The following EMC3 variants were observed in gnomAD, a reference collection of about 807,000 sequenced individuals.
EMC3 encodes ER membrane protein complex subunit 3.
A neutral mutation model predicts 36.6 loss-of-function variants in EMC3; 13 were observed. The observed-to-expected ratio is 0.35, with a 90% confidence interval of 0.23 to 0.56. EMC3 has a LOEUF of 0.56. Ranked by LOEUF, EMC3 falls within the 20% of genes least tolerant of loss-of-function variation. The probability of loss-of-function intolerance (pLI) is 0.84; values close to 1 mark genes in which losing one functional copy is unlikely to be tolerated. For synonymous variants in EMC3, 120 were observed against 111.9 expected (o/e 1.07, Z -0.46); for missense variants, 220 against 324.5 (o/e 0.68, Z 2.47).
intron 1 of EMC3, chr3:10,007,680 C>T (rs2086280019): frequency 2.3e-6 from 3 of 1,324,416 alleles, no homozygotes; most frequent in South Asian, 2.4e-5. Context: ...GTTCCAGCTT[C>T]CCAGGAACCC....
At chr3:9,988,735 A>G (rs200834692), upstream of EMC3, 52 of 1,520,898 alleles carry the variant, frequency 3.4e-5, 1 homozygote, top group African/African-American at 2.2e-4. Flanking sequence ...CTGCCTCAGT[A>G]TCTGAACACA....
At chr3:9,969,349 C>CT in intron 7 of EMC3, 1 of 1,106,342 alleles carries the variant, frequency 9.0e-7, no homozygotes. Context: ...ATTCTAGAAC[C>CT]TTTTTGTGAA....
upstream of EMC3, among the ~76,000 whole-genome samples, chr3:9,989,052 GA>G (rs1359015114): frequency 2.6e-5 from 4 of 152,094 alleles, no homozygotes; most frequent in Non-Finnish European, 4.4e-5. Flanking sequence ...ATGAGATGAA[GA>G]AAATAACCAC....
At chr3:10,007,572 G>A in intron 1 of EMC3, 1 of 1,367,636 alleles carries the variant, frequency 7.3e-7, no homozygotes, top group East Asian at 4.5e-5. Flanking sequence ...TCTGGGTGAG[G>A]CAGGCATCCT....
chr3:9,989,784 T>C (rs2086024323), upstream of EMC3, among the ~76,000 whole-genome samples: 1 of 152,110 alleles, frequency 6.6e-6, no homozygotes, highest in African/African-American at 2.4e-5. Flanking sequence ...ATATAATTTG[T>C]ATTCTTTTTT....
At chr3:9,976,715 C>T (rs532605714) in intron 3 of EMC3, among the ~76,000 whole-genome samples, 2 of 152,176 alleles carry the variant, frequency 1.3e-5, no homozygotes, top group African/African-American at 4.8e-5. Context: ...GGCCTCCCCA[C>T]TCCATCAGCT....
chr3:9,975,760 C>T (rs554785326), intron 3 of EMC3, among the ~76,000 whole-genome samples: 11 of 145,936 alleles, frequency 7.5e-5, no homozygotes, highest in African/African-American at 2.3e-4. Context: ...TGCAGTGAGC[C>T]GAGATCGCAC....
upstream of EMC3, chr3:9,988,066 G>A: frequency 1.6e-6 from 1 of 615,402 alleles, no homozygotes; most frequent in Non-Finnish European, 3.0e-6. Flanking sequence ...ACAGTTCTCT[G>A]ACATCCCACA....
intron 1 of EMC3, chr3:10,008,891 C>G (rs1398212421): frequency 1.7e-5 from 3 of 174,684 alleles, no homozygotes; most frequent in Non-Finnish European, 3.7e-5. Context: ...GGGATTCAAG[C>G]CCGAGGTGTG....
chr3:9,995,960 T>C (rs150946964), intron 1 of EMC3, among the ~76,000 whole-genome samples: 13 of 152,278 alleles, frequency 8.5e-5, no homozygotes, highest in African/African-American at 2.9e-4. Flanking sequence ...AAACATTAAG[T>C]GCCTATTCTG....
intron 1 of EMC3, among the ~76,000 whole-genome samples, chr3:9,986,296 C>A (rs547469421): frequency 1.3e-5 from 2 of 152,308 alleles, no homozygotes; most frequent in African/African-American, 4.8e-5. Flanking sequence ...GACTTACAGA[C>A]ATCACCTAAT....
chr3:10,005,257 A>AT, intron 1 of EMC3: 1 of 152,008 alleles, frequency 6.6e-6, no homozygotes. Context: ...AAAAAAAAAA[A>AT]AAATCACACA....
intron 1 of EMC3, among the ~76,000 whole-genome samples, chr3:9,982,140 G>C (rs996852190): frequency 4.6e-5 from 7 of 151,894 alleles, no homozygotes; most frequent in African/African-American, 1.5e-4. Flanking sequence ...AGTAGAGATG[G>C]GGTTTCGCCA....
intron 5 of EMC3, among the ~76,000 whole-genome samples, chr3:9,971,780 C>G (rs1366417510): frequency 6.6e-6 from 1 of 152,304 alleles, no homozygotes; most frequent in Non-Finnish European, 1.5e-5. Context: ...CAGCCTCTGG[C>G]CTTTCCTGCT....
intron 1 of EMC3, chr3:10,007,443 C>T (rs772945657): frequency 1.1e-5 from 15 of 1,367,540 alleles, no homozygotes; most frequent in Non-Finnish European, 2.9e-6. Context: ...TAGGGGGCCA[C>T]TTGTTCTGCT....
intron 1 of EMC3, chr3:10,007,748 A>C: frequency 1.0e-6 from 1 of 988,066 alleles, no homozygotes; most frequent in Non-Finnish European, 1.4e-6. Flanking sequence ...GCACCCATCA[A>C]GGAGCTTCCT....
At chr3:9,992,114 A>G (rs973197067) in intron 1 of EMC3, among the ~76,000 whole-genome samples, 3 of 151,236 alleles carry the variant, frequency 2.0e-5, no homozygotes, top group African/African-American at 7.3e-5. Context: ...TTTTTTTTTA[A>G]ATTTTGTAAT....
upstream of EMC3, chr3:9,987,715 T>A: frequency 2.5e-6 from 1 of 404,072 alleles, no homozygotes; most frequent in Non-Finnish European, 4.6e-6. Flanking sequence ...CCTCACAGAA[T>A]TCTGAAATTT....
At chr3:10,003,029 C>T (rs1228229649) in intron 1 of EMC3, 3 of 455,350 alleles carry the variant, frequency 6.6e-6, no homozygotes, top group Non-Finnish European at 1.3e-5. Flanking sequence ...GACCCAGAAA[C>T]ATCCCAGGCT....
Sources: gnomAD v4.1 joint callset for allele counts (sites outside exome capture counted in the v4.1 genomes callset) on GRCh38, gnomAD v4.1.1 for gene constraint, MANE v1.5 for transcripts, NCBI Gene and HGNC (gene_info 2026-07-23, HGNC 2026-07-21) for gene names.